PTPN4: variants seen among roughly 807,000 people sequenced by gnomAD.
PTPN4 encodes the protein tyrosine-protein phosphatase non-receptor type 4.
Under a neutral mutation model 135.5 loss-of-function variants are expected in PTPN4, and 49 were observed. That is an observed-to-expected ratio of 0.36 (90% CI 0.29 to 0.46). The LOEUF is 0.46. PTPN4 is among the 20% of genes least tolerant of loss of function. The pLI is 1.00. For synonymous variants in PTPN4, 333 were observed against 369.9 expected, an observed-to-expected ratio of 0.90 and a Z score of 1.14; for missense variants, 860 against 1,101.0, an observed-to-expected ratio of 0.78 and a Z score of 3.10.
chr2:119,977,283 T>A lies in PTPN4; in HGVS notation c.*213T>A. ...TGTATTTGAAGACTGTTTCATGCTT[T>A]GCTCCGAACAAATAGTAAATAACTG... On this transcript the variant is annotated 3_prime_UTR_variant, in exon 27 of 27. Coordinates refer to ENST00000263708, the MANE Select transcript of PTPN4 (RefSeq NM_002830.4). The A allele has an allele frequency of 3.9e-6, 3 of 762,336 alleles. No individual in the cohort carries two copies. Among genetic ancestry groups the A allele is most frequent in the Non-Finnish European group, 5.3e-6 (3 of 561,820 alleles). The allele number at this position is 762,336 out of a possible 1,614,324, so 47.2% of individuals were successfully genotyped here.
intron 1 of PTPN4, among the ~76,000 whole-genome samples, chr2:119,778,929 A>G (rs1166246098): frequency 6.6e-6 from 1 of 152,120 alleles, no homozygotes; most frequent in Non-Finnish European, 1.5e-5. Context: ...TTGTTGTCGT[A>G]TACCATTTCT....
intron 26 of PTPN4, among the ~76,000 whole-genome samples, chr2:119,969,741 G>A (rs1042459512): frequency 6.6e-6 from 1 of 151,742 alleles, no homozygotes; most frequent in Non-Finnish European, 1.5e-5. Context: ...TGTATTTTTA[G>A]TAGAGACGGG....
At chr2:119,845,231 G>GGGGAGA (rs1157744675) in intron 2 of PTPN4, among the ~76,000 whole-genome samples, 79 of 93,696 alleles carry the variant, frequency 8.4e-4, no homozygotes, top group African/African-American at 1.3e-3. Context: ...GGGAGACCGT[G>GGGGAGA]GGGAGAGGGA....
chr2:119,866,506 A>C (rs1403113581), intron 3 of PTPN4, among the ~76,000 whole-genome samples: 1 of 152,076 alleles, frequency 6.6e-6, no homozygotes, highest in African/African-American at 2.4e-5. Flanking sequence ...CTGAATCAGA[A>C]GGTCTACTTT....
chr2:119,895,956 C>T (rs989954577), intron 9 of PTPN4, among the ~76,000 whole-genome samples: 1 of 151,550 alleles, frequency 6.6e-6, no homozygotes, highest in Admixed American at 6.6e-5. Flanking sequence ...CTATACACCA[C>T]AAGAGAAAGT....
In PTPN4 at chr2:119,951,460, G is replaced by A. The variant is rs143843154; in HGVS notation, c.1657-513G>A. On this transcript the variant is annotated intron_variant, in intron 18 of 26. Transcript: ENST00000263708. ...AGGCAGCCCAACTACATGCTTTCCT[G>A]TCTGCACTTGAACTGAAAACAGATG... Among the ~76,000 whole-genome samples the A allele has an allele frequency of 4.7e-3, 714 of 152,302 alleles. 2 individuals are homozygous for A. The highest frequency in any genetic ancestry group is 8.5e-3 in the Non-Finnish European group (578 of 68,022).
At chr2:119,781,369 A>G (rs1471289069) in intron 1 of PTPN4, among the ~76,000 whole-genome samples, 1 of 152,212 alleles carries the variant, frequency 6.6e-6, no homozygotes, top group Non-Finnish European at 1.5e-5. Flanking sequence ...CTCATCCAGT[A>G]CTGCAACCAT....
intron 10 of PTPN4, among the ~76,000 whole-genome samples, chr2:119,911,201 C>A (rs1678566439): frequency 6.6e-6 from 1 of 151,930 alleles, no homozygotes; most frequent in African/African-American, 2.4e-5. Flanking sequence ...TAAGACCTTA[C>A]AAGGAAAGAA....
At chr2:119,831,445 T>C (rs897930983) in intron 2 of PTPN4, among the ~76,000 whole-genome samples, 4 of 152,238 alleles carry the variant, frequency 2.6e-5, no homozygotes, top group Non-Finnish European at 5.9e-5. Context: ...TTTGTTCCAA[T>C]GTCTACCCTT....
chr2:119,914,237 A>G lies in PTPN4; in HGVS notation c.765-942A>G, dbSNP rs563792166. Among the ~76,000 whole-genome samples the G allele has an allele frequency of 1.1e-3, 157 of 137,982 alleles. No individual in the cohort carries two copies. In the South Asian group the frequency reaches 0.011, roughly 10 times the overall value. The allele number at this position is 137,982 out of a possible 152,430, so 90.5% of individuals were successfully genotyped here. On this transcript the variant is annotated intron_variant, in intron 10 of 26. Transcript: ENST00000263708. ...TGGCTTTTTTCCATAAATACAGTCA[A>G]TAGTTACTCAATTTTTTTTTTTTTT...
intron 2 of PTPN4, among the ~76,000 whole-genome samples, chr2:119,844,507 C>T (rs1183134273): frequency 1.4e-5 from 2 of 145,896 alleles, no homozygotes; most frequent in East Asian, 4.2e-4. Context: ...GGGGTGGTTG[C>T]CGGGCAGAGG....
intron 1 of PTPN4, among the ~76,000 whole-genome samples, chr2:119,788,879 C>T (rs113545702): frequency 1.3e-5 from 2 of 152,202 alleles, no homozygotes; most frequent in African/African-American, 4.8e-5. Context: ...CTGTTGTGAA[C>T]GTGTGTACAA....
chr2:119,936,298 G>A (rs1244474972), intron 15 of PTPN4, among the ~76,000 whole-genome samples: 3 of 152,060 alleles, frequency 2.0e-5, no homozygotes, highest in Admixed American at 6.5e-5. Flanking sequence ...CCCCGCGCCC[G>A]GCCTCACATG....
At chr2:119,943,580 C>CTTTTTTTTTTTTTT (rs70949374) in intron 15 of PTPN4, among the ~76,000 whole-genome samples, 2 of 79,914 alleles carry the variant, frequency 2.5e-5, no homozygotes, top group Non-Finnish European at 4.4e-5. Flanking sequence ...TCATTTTTTT[C>CTTTTTTTTTTTTTT]TTTTTTTTTT....
intron 1 of PTPN4, among the ~76,000 whole-genome samples, chr2:119,799,085 G>A (rs1165769859): frequency 6.6e-6 from 1 of 152,194 alleles, no homozygotes; most frequent in Non-Finnish European, 1.5e-5. Flanking sequence ...TTTCATAGTT[G>A]TTATGGCAGG....
Position 119,882,519 on chromosome 2 carries a change from C to A in PTPN4, c.483C>A (p.Tyr161Ter). 6.5e-7 allele frequency: 1 copy of A among 1,533,180 alleles called. No individual in the cohort carries two copies. Among genetic ancestry groups the A allele is most frequent in the South Asian group, 1.2e-5 (1 of 80,268 alleles). The allele number at this position is 1,533,180 out of a possible 1,614,324, so 95.0% of individuals were successfully genotyped here. A position where few individuals can be genotyped will look rare whatever the true frequency, so the allele number is the denominator to read the frequency against. Residue 161 changes from tyrosine (Y) to a stop codon, truncating the protein, a stop_gained, in exon 8 of 27, where the codon TAC becomes TAA. Coordinates refer to ENST00000263708, the MANE Select transcript of PTPN4 (RefSeq NM_002830.4). LOFTEE classifies it high-confidence loss of function. The part of the protein sequence containing the change: ...SFAVQSELGD[Y>*]DQSENLSGYL... ...CATTATTAGCTGAACTTGGAGACTA[C>A]GATCAGTCAGAGAACTTGTCAGGCT...
intron 22 of PTPN4, among the ~76,000 whole-genome samples, chr2:119,959,367 A>G (rs908190639): frequency 6.6e-6 from 1 of 152,224 alleles, no homozygotes. Flanking sequence ...AGGAATTACT[A>G]TTTCACCTGA....
intron 26 of PTPN4, among the ~76,000 whole-genome samples, chr2:119,969,558 T>TTC (rs1553480133): frequency 2.8e-5 from 2 of 72,674 alleles, no homozygotes; most frequent in African/African-American, 1.0e-4. Flanking sequence ...ATTTCTTTTT[T>TTC]TTTTTTTTTT....
chr2:119,833,101 G>A (rs1288137465), intron 2 of PTPN4, among the ~76,000 whole-genome samples: 1 of 152,016 alleles, frequency 6.6e-6, no homozygotes, highest in African/African-American at 2.4e-5. Context: ...TGTTTAATTT[G>A]CTTCTTTCAC....
Sources: gnomAD v4.1 joint callset for allele counts (sites outside exome capture counted in the v4.1 genomes callset) on GRCh38, gnomAD v4.1.1 for gene constraint, MANE v1.5 for transcripts, NCBI Gene and HGNC (gene_info 2026-07-23, HGNC 2026-07-21) for gene names.